NIPAL2: variants seen among roughly 807,000 people sequenced by gnomAD.
NIPAL2 encodes the protein NIPA-like protein 2.
In NIPAL2, 43 loss-of-function variants were observed where a neutral mutation model predicts 48.9. The observed-to-expected ratio is 0.88, with a 90% CI of 0.69 to 1.13. NIPAL2 has a LOEUF of 1.13. Ranked by LOEUF, NIPAL2 falls within the 50% of genes most tolerant of loss-of-function variation. The probability of loss-of-function intolerance (pLI) is 0.00; values close to 1 mark genes in which losing one functional copy is unlikely to be tolerated. For synonymous variants in NIPAL2, 167 were observed against 174.6 expected (o/e 0.96, Z 0.34); for missense variants, 446 against 461.4 (o/e 0.97, Z 0.31).
At chr8:98,204,026 A>T (rs550828643) in intron 7 of NIPAL2, among the ~76,000 whole-genome samples, 2 of 152,282 alleles carry the variant, frequency 1.3e-5, no homozygotes, top group Admixed American at 6.5e-5. Context: ...AGGGCTGAGA[A>T]CCACAGTCGT....
chr8:98,249,839 A>T (rs1813498471), intron 3 of NIPAL2, among the ~76,000 whole-genome samples: 1 of 150,548 alleles, frequency 6.6e-6, no homozygotes, highest in Non-Finnish European at 1.5e-5. Context: ...TATATATTAT[A>T]CTCAAAGTAC....
intron 3 of NIPAL2, among the ~76,000 whole-genome samples, chr8:98,242,818 A>G (rs1225214708): frequency 6.6e-6 from 1 of 152,126 alleles, no homozygotes; most frequent in Non-Finnish European, 1.5e-5. Flanking sequence ...ACAAAATGAG[A>G]AGTCGATGAG....
At chr8:98,256,243 C>G (rs1487307596) in intron 1 of NIPAL2, among the ~76,000 whole-genome samples, 1 of 152,084 alleles carries the variant, frequency 6.6e-6, no homozygotes, top group South Asian at 2.1e-4. Context: ...AGGCTGGTCT[C>G]GAATTCCTGA....
At chr8:98,211,618 C>T (rs1443681180) in intron 6 of NIPAL2, among the ~76,000 whole-genome samples, 2 of 152,186 alleles carry the variant, frequency 1.3e-5, no homozygotes, top group Admixed American at 6.5e-5. Context: ...GGCCATCTGA[C>T]TGGCTAAGAG....
Position 98,267,327 on chromosome 8 carries a change from C to CT in NIPAL2, c.136-13241dup, listed in dbSNP as rs761954109. ...CAACTAGAGGGGATATTCTATTTTC[C>CT]TTTTTTTTTTTTTTGAAACAGGGTC... On this transcript the variant is annotated intron_variant, in intron 1 of 10. Coordinates refer to ENST00000430223, the MANE Select transcript of NIPAL2 (RefSeq NM_001321635.2). Among the ~76,000 whole-genome samples, 1,131 of 140,792 alleles carry CT rather than the reference C, an allele frequency of 8.0e-3. 16 individuals carry two copies. The highest frequency in any genetic ancestry group is 0.025 in the African/African-American group (973 of 38,578). The allele number at this position is 140,792 out of a possible 152,430, so 92.4% of individuals were successfully genotyped here.
intron 5 of NIPAL2, among the ~76,000 whole-genome samples, chr8:98,213,284 T>C (rs1207254819): frequency 6.6e-6 from 1 of 152,224 alleles, no homozygotes; most frequent in African/African-American, 2.4e-5. Context: ...ATCACATTTT[T>C]ATATGTCCCT....
At chr8:98,275,565 C>T (rs760046627) in intron 1 of NIPAL2, among the ~76,000 whole-genome samples, 4 of 152,226 alleles carry the variant, frequency 2.6e-5, no homozygotes, top group East Asian at 1.9e-4. Flanking sequence ...TATGAACATT[C>T]GTGTACAAAT....
At chr8:98,286,668 G>T (rs1816181061) in intron 1 of NIPAL2, among the ~76,000 whole-genome samples, 1 of 151,916 alleles carries the variant, frequency 6.6e-6, no homozygotes, top group African/African-American at 2.4e-5. Context: ...AATTATCTGG[G>T]CGTGGTGGTA....
intron 1 of NIPAL2, among the ~76,000 whole-genome samples, chr8:98,258,412 G>A (rs1814037052): frequency 6.6e-6 from 1 of 152,168 alleles, no homozygotes; most frequent in Admixed American, 6.5e-5. Flanking sequence ...AAAATTGGTG[G>A]TGAAGTAAGT....
intron 8 of NIPAL2, among the ~76,000 whole-genome samples, chr8:98,197,429 G>A (rs1436514187): frequency 6.6e-6 from 1 of 152,156 alleles, no homozygotes; most frequent in Non-Finnish European, 1.5e-5. Context: ...GATTGATCAG[G>A]GTGGTGGTTG....
At chr8:98,269,479 T>C (rs912151061) in intron 1 of NIPAL2, among the ~76,000 whole-genome samples, 1 of 152,226 alleles carries the variant, frequency 6.6e-6, no homozygotes, top group Non-Finnish European at 1.5e-5. Context: ...AGATGCATTG[T>C]CAATGAGCAG....
At chr8:98,288,862 C>T (rs529426270) in intron 1 of NIPAL2, among the ~76,000 whole-genome samples, 17 of 152,116 alleles carry the variant, frequency 1.1e-4, no homozygotes, top group Non-Finnish European at 1.9e-4. Flanking sequence ...GAAATTGGGT[C>T]CCCACACAAA....
At chr8:98,262,660 A>C (rs1814428539) in intron 1 of NIPAL2, among the ~76,000 whole-genome samples, 1 of 151,000 alleles carries the variant, frequency 6.6e-6, no homozygotes, top group Non-Finnish European at 1.5e-5. Flanking sequence ...AGAGACTTAG[A>C]CTCCCACACA....
At chr8:98,282,167 C>T (rs146172802) in intron 1 of NIPAL2, among the ~76,000 whole-genome samples, 11 of 152,218 alleles carry the variant, frequency 7.2e-5, no homozygotes, top group Admixed American at 1.3e-4. Flanking sequence ...GAGTGCATTC[C>T]GGCAAAGGGC....
chr8:98,277,115 C>T (rs1015944585), intron 1 of NIPAL2, among the ~76,000 whole-genome samples: 27 of 152,332 alleles, frequency 1.8e-4, no homozygotes, highest in African/African-American at 6.3e-4. Context: ...TTTTAAATAA[C>T]AGCTCTATTG....
intron 4 of NIPAL2, among the ~76,000 whole-genome samples, chr8:98,224,237 G>T (rs919424766): frequency 1.3e-5 from 2 of 152,132 alleles, no homozygotes; most frequent in African/African-American, 4.8e-5. Flanking sequence ...GTACCCTGGT[G>T]GTTCACTAGT....
chr8:98,238,668 A>G (rs561250409), intron 3 of NIPAL2, among the ~76,000 whole-genome samples: 17 of 152,018 alleles, frequency 1.1e-4, no homozygotes, highest in Admixed American at 8.5e-4. Flanking sequence ...GTCCTTCAAA[A>G]CTTTTCCCGG....
intron 1 of NIPAL2, among the ~76,000 whole-genome samples, chr8:98,277,922 C>A (rs1815571805): frequency 6.6e-6 from 1 of 152,160 alleles, no homozygotes; most frequent in African/African-American, 2.4e-5. Context: ...TATGTTCTTG[C>A]ATCTTATTTT....
At chr8:98,293,878 C>T in intron 1 of NIPAL2, 125 bp downstream of exon 1, 1 of 912,364 alleles carries the variant, frequency 1.1e-6, no homozygotes, top group Non-Finnish European at 1.5e-6. Flanking sequence ...CACCTCTTCC[C>T]ACTCGGAGAG....
Sources: allele counts gnomAD v4.1 joint callset (sites outside exome capture counted in the v4.1 genomes callset), GRCh38; gene constraint gnomAD v4.1.1; transcripts MANE v1.5; gene names NCBI Gene and HGNC (gene_info 2026-07-23, HGNC 2026-07-21).